The following ZYG11B variants were observed in gnomAD, a reference collection of about 807,000 sequenced individuals.
ZYG11B encodes zyg-11 family member B, cell cycle regulator, also known as protein zyg-11 homolog B.
A neutral mutation model predicts 82.4 loss-of-function variants in ZYG11B; 36 were observed. That is an observed-to-expected ratio of 0.44 (90% CI 0.33 to 0.58). ZYG11B has a LOEUF of 0.58. ZYG11B is among the 20% of genes least tolerant of loss of function. The pLI is 0.02. For synonymous variants in ZYG11B, 303 were observed against 312.8 expected, an observed-to-expected ratio of 0.97 and a Z score of 0.33; for missense variants, 552 against 895.6, an observed-to-expected ratio of 0.62 and a Z score of 4.90.
chr1:52,796,909 T>A (rs1377090202), intron 8 of ZYG11B, 125 bp downstream of exon 8: 18 of 106,336 alleles, frequency 1.7e-4, no homozygotes, highest in African/African-American at 8.1e-4. Context: ...ATTATATATA[T>A]ATTATATATT....
intron 4 of ZYG11B, among the ~76,000 whole-genome samples, chr1:52,783,825 T>C (rs368555225): frequency 9.2e-6 from 1 of 108,976 alleles, no homozygotes; most frequent in Non-Finnish European, 1.7e-5. Flanking sequence ...CGTATATGTA[T>C]ACATACGTGT....
chr1:52,818,478 A>G (rs1645253676), intron 13 of ZYG11B, among the ~76,000 whole-genome samples: 1 of 151,688 alleles, frequency 6.6e-6, no homozygotes, highest in African/African-American at 2.4e-5. Context: ...TGTCTCAAAA[A>G]GAAAAAAAAA....
intron 12 of ZYG11B, 68 bp from the exon 13 acceptor site, chr1:52,816,464 A>T: frequency 1.9e-6 from 2 of 1,076,002 alleles, no homozygotes; most frequent in Non-Finnish European, 2.8e-6. Context: ...AAAGTTTAGG[A>T]ATCACTGCTT....
chr1:52,732,693 A>C (rs1644342920), intron 1 of ZYG11B, among the ~76,000 whole-genome samples: 1 of 151,542 alleles, frequency 6.6e-6, no homozygotes, highest in African/African-American at 2.4e-5. Flanking sequence ...TGAACCCGGG[A>C]GGCAGAGGTT....
chr1:52,804,534 A>T (rs927448285), intron 10 of ZYG11B, among the ~76,000 whole-genome samples: 2 of 151,858 alleles, frequency 1.3e-5, no homozygotes, highest in Non-Finnish European at 2.9e-5. Context: ...AATCGCTTGA[A>T]CCTGGGAGGT....
At chr1:52,751,703 C>G (rs1220791598) in intron 1 of ZYG11B, among the ~76,000 whole-genome samples, 1 of 152,100 alleles carries the variant, frequency 6.6e-6, no homozygotes. Flanking sequence ...TCCCAAACCC[C>G]TTGGAAGCTC....
chr1:52,744,809 C>T (rs1571745639), intron 1 of ZYG11B, among the ~76,000 whole-genome samples: 1 of 152,208 alleles, frequency 6.6e-6, no homozygotes, highest in East Asian at 1.9e-4. Flanking sequence ...CGCGTTACTG[C>T]ACTCCAGCCT....
At position 52,779,918 on chromosome 1, in the gene ZYG11B, C is replaced by T. The variant is rs777943150; in HGVS notation, c.1017C>T (p.Phe339=). 6 of 1,614,146 alleles carry T rather than the reference C, an allele frequency of 3.7e-6. No individual in the cohort carries two copies. In the South Asian group the frequency reaches 6.6e-5, roughly 18 times the overall value. Residue 339 remains phenylalanine, a synonymous_variant, in exon 4 of 14, where the codon TTC becomes TTT. Transcript: ENST00000294353. Reference sequence around the variant, plus strand: ...TGAAGCGTTACAGTGAACGGGCATTCTTTGTTCGGGAAGCTCTATTTCATC... The same window carrying T: ...TGAAGCGTTACAGTGAACGGGCATTTTTTGTTCGGGAAGCTCTATTTCATC... ...EALKRYSERA[F]FVREALFHLF... is the part of the protein sequence containing the mutation.
intron 6 of ZYG11B, among the ~76,000 whole-genome samples, chr1:52,793,850 C>G (rs1380609325): frequency 8.2e-6 from 1 of 122,356 alleles, no homozygotes; most frequent in Non-Finnish European, 1.6e-5. Context: ...AGGTTTCTTT[C>G]TTTCTTCCTT....
intron 1 of ZYG11B, among the ~76,000 whole-genome samples, chr1:52,730,258 G>C (rs1349485118): frequency 1.3e-5 from 2 of 152,186 alleles, no homozygotes; most frequent in African/African-American, 4.8e-5. Context: ...GGAAATGACA[G>C]ATAGTAAAAT....
At chr1:52,807,850 A>T (rs771199720) in intron 10 of ZYG11B, among the ~76,000 whole-genome samples, 11 of 151,358 alleles carry the variant, frequency 7.3e-5, no homozygotes, top group Admixed American at 1.3e-4. Context: ...GGATCTGCTG[A>T]TGATGAATTC....
At chr1:52,768,448 C>G (rs1462161007) in intron 2 of ZYG11B, among the ~76,000 whole-genome samples, 1 of 152,102 alleles carries the variant, frequency 6.6e-6, no homozygotes, top group Non-Finnish European at 1.5e-5. Flanking sequence ...CCCAGAAATG[C>G]ACTGCATCTA....
intron 1 of ZYG11B, among the ~76,000 whole-genome samples, chr1:52,751,924 C>T (rs1644528285): frequency 6.6e-6 from 1 of 151,682 alleles, no homozygotes; most frequent in Non-Finnish European, 1.5e-5. Context: ...TTTTCTCCTA[C>T]TGTACTCTCA....
At chr1:52,744,624 T>C (rs1443695121) in intron 1 of ZYG11B, among the ~76,000 whole-genome samples, 2 of 152,158 alleles carry the variant, frequency 1.3e-5, no homozygotes, top group Non-Finnish European at 2.9e-5. Context: ...GGGCGGATCA[T>C]GAGGTCAGGA....
chr1:52,743,888 G>A (rs1428361377), intron 1 of ZYG11B, among the ~76,000 whole-genome samples: 1 of 151,884 alleles, frequency 6.6e-6, no homozygotes, highest in Admixed American at 6.6e-5. Context: ...CTCTACAGGT[G>A]TACCATTTTT....
intron 1 of ZYG11B, among the ~76,000 whole-genome samples, chr1:52,728,124 T>G (rs12095247): frequency 0.63 from 95,526 of 152,074 alleles, 32,034 homozygotes; most frequent in East Asian, 0.97. Context: ...TAGCAACCGT[T>G]CCTTACTTAT....
intron 2 of ZYG11B, among the ~76,000 whole-genome samples, chr1:52,765,596 C>G (rs1571760833): frequency 6.6e-6 from 1 of 152,204 alleles, no homozygotes; most frequent in East Asian, 1.9e-4. Flanking sequence ...CTCCTGGGCT[C>G]AAGCGACCCT....
chr1:52,803,203 T>TATACACAC (rs1645104003), intron 10 of ZYG11B, among the ~76,000 whole-genome samples: 1 of 83,376 alleles, frequency 1.2e-5, no homozygotes, highest in African/African-American at 8.7e-5. Context: ...TATATATATA[T>TATACACAC]ACACACACAT....
chr1:52,781,522 T>C (rs1644855574), intron 4 of ZYG11B, among the ~76,000 whole-genome samples: 1 of 151,990 alleles, frequency 6.6e-6, no homozygotes, highest in African/African-American at 2.4e-5. Flanking sequence ...AAAAAGATAT[T>C]TGTAAACCCC....
Sources: gnomAD v4.1 joint callset for allele counts (sites outside exome capture counted in the v4.1 genomes callset) on GRCh38, gnomAD v4.1.1 for gene constraint, MANE v1.5 for transcripts, NCBI Gene and HGNC (gene_info 2026-07-23, HGNC 2026-07-21) for gene names.